The following LEKR1 variants were observed in gnomAD, a reference collection of about 807,000 sequenced individuals.
LEKR1 encodes leucine, glutamate and lysine rich 1, also known as protein LEKR1.
In LEKR1, 59 loss-of-function variants were observed where a neutral mutation model predicts 72.4. The observed-to-expected ratio is 0.82, with a 90% CI of 0.66 to 1.01. The LOEUF is 1.01. LEKR1 is among the 50% of genes least tolerant of loss of function. The probability of loss-of-function intolerance (pLI) is 0.00; values close to 1 mark genes in which losing one functional copy is unlikely to be tolerated. For missense variants in LEKR1, 728 were observed against 759.2 expected, an observed-to-expected ratio of 0.96 and a Z score of 0.48; for synonymous variants, 257 against 263.2, an observed-to-expected ratio of 0.98 and a Z score of 0.23.
At chr3:156,882,228 G>A (rs897190786) in intron 3 of LEKR1, among the ~76,000 whole-genome samples, 2 of 151,850 alleles carry the variant, frequency 1.3e-5, no homozygotes, top group African/African-American at 4.8e-5. Context: ...TACAAAATGG[G>A]AGAAAATTTT....
At chr3:156,971,332 A>G (rs1466165953) in intron 6 of LEKR1, among the ~76,000 whole-genome samples, 1 of 152,200 alleles carries the variant, frequency 6.6e-6, no homozygotes, top group Non-Finnish European at 1.5e-5. Flanking sequence ...CTTATACAAA[A>G]ATTAATTCAA....
At chr3:156,874,912 G>T (rs922942808) in intron 3 of LEKR1, among the ~76,000 whole-genome samples, 2 of 151,998 alleles carry the variant, frequency 1.3e-5, no homozygotes, top group Non-Finnish European at 2.9e-5. Context: ...TATCTATACT[G>T]CATTTCATTT....
chr3:156,969,442 C>T (rs1370991159), intron 6 of LEKR1, among the ~76,000 whole-genome samples: 3 of 152,288 alleles, frequency 2.0e-5, no homozygotes, highest in African/African-American at 7.2e-5. Flanking sequence ...AAGGAGATAT[C>T]ACCACTGATC....
chr3:157,036,489 G>A (rs369171692), intron 12 of LEKR1, among the ~76,000 whole-genome samples: 220 of 152,224 alleles, frequency 1.4e-3, no homozygotes, highest in African/African-American at 4.8e-3. Context: ...AAAACAATCC[G>A]TCAAGCATCA....
At chr3:156,849,705 A>T (rs1169057276) in intron 2 of LEKR1, among the ~76,000 whole-genome samples, 1 of 152,242 alleles carries the variant, frequency 6.6e-6, no homozygotes, top group African/African-American at 2.4e-5. Context: ...GGCCAGCCAT[A>T]TGTAGAAAGC....
chr3:156,968,847 T>G (rs1728877064), intron 6 of LEKR1, among the ~76,000 whole-genome samples: 1 of 152,112 alleles, frequency 6.6e-6, no homozygotes, highest in African/African-American at 2.4e-5. Flanking sequence ...CACACTGCAC[T>G]TATTCCAAAA....
At chr3:156,852,716 C>A in intron 2 of LEKR1, 52 bp from the exon 3 acceptor site, 1 of 886,442 alleles carries the variant, frequency 1.1e-6, no homozygotes, top group Non-Finnish European at 1.7e-6. Flanking sequence ...TTCAGTTGAA[C>A]TTGTTTTTTC....
intron 2 of LEKR1, among the ~76,000 whole-genome samples, chr3:156,836,530 G>C (rs1008414483): frequency 6.6e-6 from 1 of 152,170 alleles, no homozygotes; most frequent in Non-Finnish European, 1.5e-5. Context: ...ATAGAGCTTC[G>C]TTAAAGAAAT....
At chr3:156,894,355 G>A (rs1417814124) in intron 3 of LEKR1, among the ~76,000 whole-genome samples, 1 of 152,088 alleles carries the variant, frequency 6.6e-6, no homozygotes. Context: ...GCTCTTCAAG[G>A]TGTGTTCCAA....
At chr3:157,001,962 A>T (rs1383934403) in intron 9 of LEKR1, among the ~76,000 whole-genome samples, 3 of 152,184 alleles carry the variant, frequency 2.0e-5, no homozygotes, top group Admixed American at 2.0e-4. Context: ...TTTAATTTCT[A>T]TCAAACAACT....
At chr3:156,882,321 C>T (rs1217057875) in intron 3 of LEKR1, among the ~76,000 whole-genome samples, 1 of 150,814 alleles carries the variant, frequency 6.6e-6, no homozygotes, top group Non-Finnish European at 1.5e-5. Context: ...AACAAACAAC[C>T]CCATCAAAAA....
chr3:156,860,321 A>G (rs1716619055), intron 3 of LEKR1, among the ~76,000 whole-genome samples: 1 of 152,206 alleles, frequency 6.6e-6, no homozygotes, highest in African/African-American at 2.4e-5. Flanking sequence ...GTGGCTGTTA[A>G]ACATTTCCTC....
At chr3:156,979,992 C>A (rs995792520) in intron 7 of LEKR1, 1 of 151,854 alleles carries the variant, frequency 6.6e-6, no homozygotes, top group Admixed American at 6.6e-5. Flanking sequence ...CCAGCCTGGG[C>A]GACAGAGTGA....
intron 6 of LEKR1, among the ~76,000 whole-genome samples, chr3:156,944,910 T>C (rs1319073773): frequency 1.3e-5 from 2 of 151,578 alleles, no homozygotes; most frequent in East Asian, 3.9e-4. Flanking sequence ...ATATACTGAT[T>C]TCCTTTCTTT....
intron 1 of LEKR1, among the ~76,000 whole-genome samples, chr3:156,828,797 A>G (rs1342820067): frequency 3.3e-5 from 5 of 152,194 alleles, no homozygotes; most frequent in African/African-American, 9.6e-5. Context: ...CAGTGTTTGC[A>G]TATCATATTT....
At chr3:156,997,886 C>T (rs1731705431) in intron 9 of LEKR1, among the ~76,000 whole-genome samples, 1 of 152,130 alleles carries the variant, frequency 6.6e-6, no homozygotes, top group African/African-American at 2.4e-5. Flanking sequence ...TGCTATCTTC[C>T]CCACACTCAG....
At chr3:156,882,812 C>T (rs1576734134) in intron 3 of LEKR1, among the ~76,000 whole-genome samples, 2 of 151,918 alleles carry the variant, frequency 1.3e-5, no homozygotes, top group Non-Finnish European at 2.9e-5. Context: ...CCATGGAATA[C>T]TATGCAGCCA....
intron 3 of LEKR1, among the ~76,000 whole-genome samples, chr3:156,857,485 G>A (rs1458749849): frequency 6.6e-6 from 1 of 152,096 alleles, no homozygotes; most frequent in East Asian, 1.9e-4. Flanking sequence ...TACAGGTTGA[G>A]TAACTTTTAT....
intron 3 of LEKR1, among the ~76,000 whole-genome samples, chr3:156,907,550 A>T (rs1025217714): frequency 1.3e-5 from 2 of 152,102 alleles, no homozygotes; most frequent in African/African-American, 4.8e-5. Flanking sequence ...ATAACTTCCA[A>T]AATTTAAAAC....
Sources: gnomAD v4.1 joint callset for allele counts (sites outside exome capture counted in the v4.1 genomes callset) on GRCh38, gnomAD v4.1.1 for gene constraint, MANE v1.5 for transcripts, NCBI Gene and HGNC (gene_info 2026-07-23, HGNC 2026-07-21) for gene names.